MAP2K5: variants seen among roughly 807,000 people sequenced by gnomAD.
The protein encoded by MAP2K5 is mitogen-activated protein kinase kinase 5.
In MAP2K5, 49 loss-of-function variants were observed where a neutral mutation model predicts 83.1. The observed-to-expected ratio is 0.59, with a 90% CI of 0.47 to 0.75. The LOEUF is 0.75. Ranked by LOEUF, MAP2K5 falls within the 30% of genes least tolerant of loss-of-function variation. The probability of loss-of-function intolerance (pLI) is 0.00; values close to 1 mark genes in which losing one functional copy is unlikely to be tolerated. For synonymous variants in MAP2K5, 202 were observed against 191.8 expected, an observed-to-expected ratio of 1.05 and a Z score of -0.44; for missense variants, 457 against 557.5, an observed-to-expected ratio of 0.82 and a Z score of 1.82.
rs1413405330 is a variant in MAP2K5, at chr15:67,736,767, A to C, written c.1074+8822A>C. On this transcript the variant is annotated intron_variant, in intron 17 of 21. Transcript: ENST00000178640. The surrounding 1 kb of genome is among the most constrained non-coding windows in gnomAD (Gnocchi z 4.3). ...TTGAAAGTTAATGAACTTGGTGTTCAGTCTGGCTTTCATGTGGCAGCTTTG... is the reference window on the plus strand; with the variant it reads ...TTGAAAGTTAATGAACTTGGTGTTCCGTCTGGCTTTCATGTGGCAGCTTTG... 1.3e-5 allele frequency among the ~76,000 whole-genome samples: 2 copies of C among 152,216 alleles called. No individual in the cohort carries two copies. The highest frequency in any genetic ancestry group is 2.9e-5 in the Non-Finnish European group (2 of 68,018).
At position 67,562,744 on chromosome 15, in the gene MAP2K5, A is replaced by G. The variant is rs1373863766; in HGVS notation, c.185-539A>G. Among the ~76,000 whole-genome samples the G allele has an allele frequency of 1.3e-5, 2 of 152,170 alleles. No homozygotes were observed. Among genetic ancestry groups the G allele is most frequent in the African/African-American group, 4.8e-5 (2 of 41,446 alleles). On this transcript the variant is annotated intron_variant, in intron 2 of 21. Coordinates refer to ENST00000178640, the MANE Select transcript of MAP2K5 (RefSeq NM_145160.3). The surrounding 1 kb of genome is among the most constrained non-coding windows in gnomAD (Gnocchi z 4.1). ...TCTCCTGTGGAAAGAGAATAATAAT[A>G]ATGATGTTCATGTCGCAGGTTTGTT...
intron 3 of MAP2K5, among the ~76,000 whole-genome samples, chr15:67,569,057 T>G (rs2084902267): frequency 6.7e-6 from 1 of 149,968 alleles, no homozygotes; most frequent in African/African-American, 2.5e-5. Context: ...CGTCTGAAGG[T>G]TTAAAAGTTT....
In MAP2K5 at chr15:67,580,788, G is replaced by T; in HGVS notation, c.287G>T (p.Gly96Val). ...ACAGTAATGGAACAGCAAGTAAATG[G>T]ACAGTTAATAGAGCCTCTGCAGATA... is the stretch of plus-strand genomic sequence containing the variant. ...YSTVMEQQVN[G>V]QLIEPLQIFP... Residue 96 changes from glycine to valine, a missense_variant, in exon 4 of 22, where the codon GGA becomes GTA. Gly to Val is a moderately radical substitution (Grantham distance 109, BLOSUM62 -3). This residue lies in a region of MAP2K5 where 234 missense variants were observed against 243.6 expected (regional missense o/e 0.96). Transcript: ENST00000178640. 6.2e-7 allele frequency: 1 copy of T among 1,609,504 alleles called. No individual in the cohort carries two copies. The highest frequency in any genetic ancestry group is 8.5e-7 in the Non-Finnish European group (1 of 1,176,834).
In MAP2K5 at chr15:67,640,680, A is replaced by C. The variant is rs1352623725; in HGVS notation, c.586-5551A>C. The C allele has an allele frequency of 3.2e-6, 2 of 626,350 alleles. No individual in the cohort carries two copies. The highest frequency in any genetic ancestry group is 2.8e-4 in the East Asian group (2 of 7,256). The allele number at this position is 626,350 out of a possible 1,614,324, so 38.8% of individuals were successfully genotyped here. Reference sequence around the variant, plus strand: ...GGCACAATTAGATGAGTCCTTGAAAATCTGTTGCTTTTCCTACTCAAAATG... The same window carrying C: ...GGCACAATTAGATGAGTCCTTGAAACTCTGTTGCTTTTCCTACTCAAAATG... On this transcript the variant is annotated intron_variant, in intron 9 of 21. Coordinates refer to ENST00000178640, the MANE Select transcript of MAP2K5 (RefSeq NM_145160.3). This position sits in a 1 kb window ranked among gnomAD's most constrained non-coding sequence, Gnocchi z 4.6.
At chr15:67,581,880 C>T (rs1455838831) in intron 4 of MAP2K5, among the ~76,000 whole-genome samples, 1 of 152,120 alleles carries the variant, frequency 6.6e-6, no homozygotes, top group Non-Finnish European at 1.5e-5. Context: ...TAGTATATTA[C>T]TAGTAACTTA....
chr15:67,756,990 T>C (rs2089852463), intron 19 of MAP2K5, among the ~76,000 whole-genome samples: 1 of 152,216 alleles, frequency 6.6e-6, no homozygotes, highest in Admixed American at 6.5e-5. Flanking sequence ...TTGTGAATAA[T>C]GCTGCAGTGA....
chr15:67,690,362 G>A lies in MAP2K5; in HGVS notation c.848-2117G>A, dbSNP rs765883389. 7.2e-5 allele frequency among the ~76,000 whole-genome samples: 11 copies of A among 152,130 alleles called. No individual in the cohort carries two copies. Among genetic ancestry groups the A allele is most frequent in the Non-Finnish European group, 1.2e-4 (8 of 68,024 alleles). Reference sequence around the variant, plus strand: ...TCTTAAGGAATTCATGTTCTGGTTGGTGGGGGGCATGTCAGAGAATACTTA... The same window carrying A: ...TCTTAAGGAATTCATGTTCTGGTTGATGGGGGGCATGTCAGAGAATACTTA... On this transcript the variant is annotated intron_variant, in intron 13 of 21. Transcript: ENST00000178640. The surrounding 1 kb of genome is among the most constrained non-coding windows in gnomAD (Gnocchi z 4.3).
chr15:67,593,151 TG>T (rs1469524557), intron 7 of MAP2K5, among the ~76,000 whole-genome samples, 177 bp downstream of exon 7: 4 of 152,222 alleles, frequency 2.6e-5, no homozygotes, highest in Non-Finnish European at 5.9e-5. Context: ...ACTGTGCTAA[TG>T]GGTTTCACTC....
intron 19 of MAP2K5, among the ~76,000 whole-genome samples, chr15:67,759,197 G>A (rs953542991): frequency 2.0e-5 from 3 of 152,102 alleles, no homozygotes; most frequent in East Asian, 1.9e-4. Context: ...TATGAAAATA[G>A]CCGGTGCTGG....
In MAP2K5 at chr15:67,806,848, C is replaced by T. The variant is rs370972242; in HGVS notation, c.*98C>T. On this transcript the variant is annotated 3_prime_UTR_variant, in exon 22 of 22. Coordinates refer to ENST00000178640, the MANE Select transcript of MAP2K5 (RefSeq NM_145160.3). Reference sequence around the variant, plus strand: ...TGCTGCCTGCGCCAGAAGAGCTTTGCTGGGCCCTGGCTTCCCTGCCCTCGC... The same window carrying T: ...TGCTGCCTGCGCCAGAAGAGCTTTGTTGGGCCCTGGCTTCCCTGCCCTCGC... The T allele has an allele frequency of 2.8e-5, 44 of 1,596,426 alleles. No individual in the cohort carries two copies. The highest frequency in any genetic ancestry group is 3.6e-5 in the Non-Finnish European group (42 of 1,178,808).
chr15:67,651,932 A>AT (rs1217990103), intron 11 of MAP2K5, among the ~76,000 whole-genome samples: 9 of 152,180 alleles, frequency 5.9e-5, no homozygotes, highest in Non-Finnish European at 1.3e-4. Flanking sequence ...TTTTTGAGGA[A>AT]TTTCCATACT....
At chr15:67,548,310 A>G (rs1461995462) in intron 1 of MAP2K5, among the ~76,000 whole-genome samples, 1 of 152,224 alleles carries the variant, frequency 6.6e-6, no homozygotes, top group Non-Finnish European at 1.5e-5. Context: ...TTTTAAACCT[A>G]CACTGGCTAG....
At chr15:67,735,871 C>T (rs1334642258) in intron 17 of MAP2K5, among the ~76,000 whole-genome samples, 1 of 152,166 alleles carries the variant, frequency 6.6e-6, no homozygotes, top group East Asian at 1.9e-4. Flanking sequence ...GCTATTATCT[C>T]TCCCTCCTAG....
chr15:67,546,544 C>T (rs2084392507), intron 1 of MAP2K5: 1 of 979,746 alleles, frequency 1.0e-6, no homozygotes, highest in Non-Finnish European at 1.2e-6. Flanking sequence ...TCTGAATCAT[C>T]AGGGACTGGC....
chr15:67,741,122 G>A (rs1460299124), intron 17 of MAP2K5, among the ~76,000 whole-genome samples: 3 of 151,784 alleles, frequency 2.0e-5, no homozygotes, highest in African/African-American at 7.3e-5. Flanking sequence ...ATCTAAGCCC[G>A]TCAATCCGAG....
At position 67,801,544 on chromosome 15, in the gene MAP2K5, G is replaced by A. The variant is rs1477102349; in HGVS notation, c.1243-5102G>A. ...CCCAGAGAGACACCACCAGTAGGCA[G>A]GCAGTGTGGTGTCTTCCATGGTAGA... On this transcript the variant is annotated intron_variant, in intron 21 of 21. Coordinates refer to ENST00000178640, the MANE Select transcript of MAP2K5 (RefSeq NM_145160.3). The surrounding 1 kb of genome is among the most constrained non-coding windows in gnomAD (Gnocchi z 4.8). 1.3e-5 allele frequency among the ~76,000 whole-genome samples: 2 copies of A among 152,212 alleles called. No individual in the cohort carries two copies. Among genetic ancestry groups the A allele is most frequent in the Non-Finnish European group, 2.9e-5 (2 of 68,040 alleles).
chr15:67,788,810 C>T (rs1209738504), intron 21 of MAP2K5, among the ~76,000 whole-genome samples: 1 of 151,842 alleles, frequency 6.6e-6, no homozygotes, highest in Non-Finnish European at 1.5e-5. Context: ...CCTGTCTCTA[C>T]AAAAACTTAA....
chr15:67,563,316 G>A lies in MAP2K5; in HGVS notation c.218G>A (p.Arg73Lys). The change falls in exon 3 of 22, where the codon AGA (arginine) becomes AAA (lysine). Residue 73 changes from arginine (R) to lysine (K), a missense_variant. By Grantham distance (26) the Arg-to-Lys change is conservative (BLOSUM62 2). Transcript: ENST00000178640. This position sits in a 1 kb window ranked among gnomAD's most constrained non-coding sequence, Gnocchi z 4.5. ...GAAGATGGTGATCGAATTACAGTGA[G>A]AAGTGATGAGGAAATGAAGGCAATG... ...EDEDGDRITVRSDEEMKAMLS... is the reference protein window; with the variant it reads ...EDEDGDRITVKSDEEMKAMLS... 1 of 1,610,588 alleles carries A rather than the reference G, an allele frequency of 6.2e-7. No individual in the cohort carries two copies. Among genetic ancestry groups the A allele is most frequent in the Non-Finnish European group, 8.5e-7 (1 of 1,178,140 alleles).
chr15:67,587,983 A>G lies in MAP2K5; in HGVS notation c.431+1070A>G, dbSNP rs1022842990. On this transcript the variant is annotated intron_variant, in intron 6 of 21. Coordinates refer to ENST00000178640, the MANE Select transcript of MAP2K5 (RefSeq NM_145160.3). This position sits in a 1 kb window ranked among gnomAD's most constrained non-coding sequence, Gnocchi z 4.8. ...CACTGCCACAGCCTCCTGAGAGTCT[A>G]CTCCCTCCGTTCTTGGCCCATTCAG... 15 of 356,476 alleles carry G rather than the reference A, an allele frequency of 4.2e-5. No individual in the cohort carries two copies. The East Asian group carries it at 2.0e-3, about 47-fold the overall frequency. The allele number at this position is 356,476 out of a possible 1,614,324, so 22.1% of individuals were successfully genotyped here.
Sources: allele counts gnomAD v4.1 joint callset (sites outside exome capture counted in the v4.1 genomes callset), GRCh38; gene constraint gnomAD v4.1.1; regional missense constraint gnomAD v4.1.1; non-coding constraint Gnocchi (gnomAD v3.1); transcripts MANE v1.5; gene names NCBI Gene and HGNC (gene_info 2026-07-23, HGNC 2026-07-21).